The following HDAC9 variants were observed in gnomAD, a reference collection of about 807,000 sequenced individuals.
HDAC9 encodes the protein MEF-2 interacting transcription repressor (MITR) protein.
In HDAC9, 41 loss-of-function variants were observed where a neutral mutation model predicts 139.4. That is an observed-to-expected ratio of 0.29 (90% CI 0.23 to 0.38). HDAC9 has a LOEUF of 0.38. Ranked by LOEUF, HDAC9 falls within the 10% of genes least tolerant of loss-of-function variation. The pLI is 1.00. For synonymous variants in HDAC9, 517 were observed against 476.2 expected, an observed-to-expected ratio of 1.09 and a Z score of -1.12; for missense variants, 1,147 against 1,297.0, an observed-to-expected ratio of 0.88 and a Z score of 1.78.
intron 2 of HDAC9, among the ~76,000 whole-genome samples, chr7:18,276,032 A>T (rs1000833740): frequency 6.6e-6 from 1 of 152,322 alleles, no homozygotes; most frequent in South Asian, 2.1e-4. Context: ...GATTGAATGA[A>T]TATGCACTTG....
intron 2 of HDAC9, among the ~76,000 whole-genome samples, chr7:18,231,276 G>A (rs1368491846): frequency 3.3e-5 from 5 of 152,180 alleles, no homozygotes; most frequent in South Asian, 2.1e-4. Flanking sequence ...TTTAAGCAGG[G>A]CTGCCATGTT....
Position 18,996,265 on chromosome 7 carries a change from C to T in HDAC9, c.*203C>T, listed in dbSNP as rs1231172158. 2.7e-5 allele frequency: 13 copies of T among 488,406 alleles called. No homozygotes were observed. Among genetic ancestry groups the T allele is most frequent in the South Asian group, 1.4e-4 (6 of 42,428 alleles). The allele number at this position is 488,406 out of a possible 1,614,324, so 30.3% of individuals were successfully genotyped here. A position where few individuals can be genotyped will look rare whatever the true frequency, so the allele number is the denominator to read the frequency against. On this transcript the variant is annotated 3_prime_UTR_variant, in exon 26 of 26. Transcript: ENST00000686413. ...GCATTAAAGATTCCTTAAACGTAAC[C>T]GCTGTGATTCTAGAGTTACAGTAAA...
intron 1 of HDAC9, among the ~76,000 whole-genome samples, chr7:18,354,874 CTTG>C (rs1783132018): frequency 6.6e-6 from 1 of 152,112 alleles, no homozygotes; most frequent in African/African-American, 2.4e-5. Flanking sequence ...TCTGATGTGA[CTTG>C]TTATCTCTGA....
intron 22 of HDAC9, chr7:18,892,213 A>C (rs1307618300): frequency 6.6e-6 from 1 of 152,200 alleles, no homozygotes; most frequent in African/African-American, 2.4e-5. Context: ...CTGGAAAATG[A>C]AGTATTTGGA....
At chr7:18,349,007 C>G (rs978207818) in intron 1 of HDAC9, among the ~76,000 whole-genome samples, 1 of 152,078 alleles carries the variant, frequency 6.6e-6, no homozygotes, top group East Asian at 1.9e-4. Flanking sequence ...TATCTGTCTT[C>G]AAGCCCAAGT....
At chr7:18,283,217 G>C (rs1797216612) in intron 2 of HDAC9, among the ~76,000 whole-genome samples, 2 of 152,108 alleles carry the variant, frequency 1.3e-5, no homozygotes, top group African/African-American at 2.4e-5. Context: ...AAGGCAAAGA[G>C]GAAACAGGCA....
chr7:18,442,258 CT>C (rs1454522193), intron 1 of HDAC9, among the ~76,000 whole-genome samples: 1 of 152,168 alleles, frequency 6.6e-6, no homozygotes, highest in East Asian at 1.9e-4. Context: ...TTTTCTACCC[CT>C]ATGTATAAGA....
intron 1 of HDAC9, among the ~76,000 whole-genome samples, chr7:18,325,852 A>G (rs916518541): frequency 6.6e-6 from 1 of 152,102 alleles, no homozygotes; most frequent in Admixed American, 6.6e-5. Context: ...TCAGAACAGT[A>G]ACATGCTCTA....
At chr7:18,845,702 C>A (rs1304483127) in intron 21 of HDAC9, among the ~76,000 whole-genome samples, 1 of 152,094 alleles carries the variant, frequency 6.6e-6, no homozygotes, top group African/African-American at 2.4e-5. Flanking sequence ...AATGAACCAG[C>A]TGAAAATTGT....
chr7:18,787,733 A>T (rs1170931438), intron 16 of HDAC9, among the ~76,000 whole-genome samples: 1 of 152,190 alleles, frequency 6.6e-6, no homozygotes, highest in African/African-American at 2.4e-5. Flanking sequence ...TATCCCTGCC[A>T]TTTGGCAAAA....
intron 1 of HDAC9, among the ~76,000 whole-genome samples, chr7:18,441,086 A>G (rs1791711216): frequency 6.6e-6 from 1 of 152,234 alleles, no homozygotes; most frequent in African/African-American, 2.4e-5. Flanking sequence ...TATAAAATGG[A>G]TATGATAATA....
chr7:18,981,120 G>A (rs758628817), intron 25 of HDAC9, among the ~76,000 whole-genome samples: 5 of 151,920 alleles, frequency 3.3e-5, no homozygotes, highest in Admixed American at 6.6e-5. Flanking sequence ...CACCGTGCCC[G>A]GCCTGTTTCT....
chr7:18,977,927 C>G lies in HDAC9; in HGVS notation c.3170+1974C>G, dbSNP rs1427634983. ...TCAGAGACAGACAGACAGACACACA[C>G]ACACACACACACACACACACACACA... On this transcript the variant is annotated intron_variant, in intron 25 of 25. Transcript: ENST00000686413. 6.4e-5 allele frequency among the ~76,000 whole-genome samples: 9 copies of G among 139,776 alleles called. No homozygotes were observed. In the East Asian group the frequency reaches 8.0e-4, roughly 12 times the overall value. The allele number at this position is 139,776 out of a possible 152,430, so 91.7% of individuals were successfully genotyped here.
At chr7:18,937,289 C>T (rs969275105) in intron 23 of HDAC9, among the ~76,000 whole-genome samples, 7 of 151,982 alleles carry the variant, frequency 4.6e-5, no homozygotes, top group African/African-American at 1.5e-4. Context: ...CTGCCCGCCT[C>T]GGCCTCCCAA....
intron 25 of HDAC9, among the ~76,000 whole-genome samples, chr7:18,993,236 C>T (rs964226078): frequency 7.1e-6 from 1 of 140,830 alleles, no homozygotes; most frequent in Non-Finnish European, 1.5e-5. Flanking sequence ...TATAAATAAT[C>T]CAGTTATTTT....
intron 2 of HDAC9, among the ~76,000 whole-genome samples, chr7:18,498,930 G>A (rs1797662269): frequency 6.6e-6 from 1 of 151,964 alleles, no homozygotes; most frequent in Non-Finnish European, 1.5e-5. Context: ...GAGTTACATT[G>A]TAGGTCACAT....
intron 1 of HDAC9, among the ~76,000 whole-genome samples, chr7:18,371,084 A>G (rs1412016010): frequency 6.6e-6 from 1 of 152,160 alleles, no homozygotes; most frequent in African/African-American, 2.4e-5. Flanking sequence ...TGTCAGAAGA[A>G]AAGTGTTTAT....
intron 12 of HDAC9, among the ~76,000 whole-genome samples, chr7:18,676,581 C>G (rs957618608): frequency 3.9e-5 from 6 of 151,912 alleles, no homozygotes; most frequent in Admixed American, 3.9e-4. Flanking sequence ...TTTTAAAAAA[C>G]TTAAACTTTT....
At chr7:18,417,987 C>A (rs1248963680) in intron 1 of HDAC9, among the ~76,000 whole-genome samples, 1 of 152,132 alleles carries the variant, frequency 6.6e-6, no homozygotes, top group East Asian at 1.9e-4. Context: ...TGGATGTCCA[C>A]CACGCTCCCC....
Sources: allele counts gnomAD v4.1 joint callset (sites outside exome capture counted in the v4.1 genomes callset), GRCh38; gene constraint gnomAD v4.1.1; transcripts MANE v1.5; gene names NCBI Gene and HGNC (gene_info 2026-07-23, HGNC 2026-07-21).